Variants in GALNT14 observed in about 807,000 individuals in gnomAD.
GALNT14 encodes UDP-GalNAc:polypeptide N-acetylgalactosaminyltransferase 14.
A neutral mutation model predicts 77.5 loss-of-function variants in GALNT14; 60 were observed. That is an observed-to-expected ratio of 0.77 (90% CI 0.63 to 0.96). The LOEUF (loss-of-function observed/expected upper bound fraction) is 0.96. Among genes scored for constraint, GALNT14 ranks in the 40% least tolerant of loss-of-function variants. The pLI, the probability that GALNT14 is intolerant of heterozygous loss-of-function variation, is 0.00. For missense variants in GALNT14, 710 were observed against 731.0 expected (o/e 0.97, Z 0.33); for synonymous variants, 280 against 281.7 (o/e 0.99, Z 0.06).
chr2:31,138,148 G>A lies in GALNT14; in HGVS notation c.-62C>T. 2 of 1,610,034 alleles carry A rather than the reference G, an allele frequency of 1.2e-6. No homozygotes were observed. Among genetic ancestry groups the A allele is most frequent in the South Asian group, 1.1e-5 (1 of 90,820 alleles). On this transcript the variant is annotated 5_prime_UTR_variant, in exon 1 of 15. Transcript: ENST00000349752. ...CCCGGGGGCACCCCCCGGCGGTCAG[G>A]GTTGGCGGGGCAGGAGTCCTGGCGA...
At chr2:31,007,919 C>T (rs941842759) in intron 1 of GALNT14, among the ~76,000 whole-genome samples, 4 of 152,170 alleles carry the variant, frequency 2.6e-5, no homozygotes, top group South Asian at 2.1e-4. Flanking sequence ...GCCCTCAACT[C>T]GCAGTGGCAG....
In GALNT14 at chr2:30,910,998, T is replaced by C; in HGVS notation, c.1562A>G (p.Asp521Gly). ...HIASHLCLDT[D>G]MFGDGTENGK... is the part of the protein sequence containing the mutation. ...GTTCTCGGTGCCATCACCGAACATA[T>C]CTGTATCGAGGCAGAGGTGGGATGC... The change falls in exon 15 of 15, where the codon GAT becomes GGT. Residue 521 changes from aspartate to glycine, a missense_variant. Coordinates refer to ENST00000349752, the MANE Select transcript of GALNT14 (RefSeq NM_024572.4). 2 of 1,613,828 alleles carry C rather than the reference T, an allele frequency of 1.2e-6. No individual in the cohort carries two copies. The highest frequency in any genetic ancestry group is 1.3e-5 in the African/African-American group (1 of 74,940).
intron 1 of GALNT14, among the ~76,000 whole-genome samples, chr2:31,049,463 A>C (rs1673700974): frequency 1.3e-5 from 2 of 152,144 alleles, no homozygotes; most frequent in South Asian, 4.1e-4. Context: ...GCTACCTCAG[A>C]GGAGAAGCAA....
rs111557173 is a variant in GALNT14 at position 30,930,232 on chromosome 2, G to A, written c.1059-745C>T. On this transcript the variant is annotated intron_variant, in intron 10 of 14. Transcript: ENST00000349752. The stretch of plus-strand genomic sequence containing the variant: ...GAGTGCAAAGGCAGGGCCTGCATGG[G>A]CATCTAGCTTCTGGCTGTCCTCGGG... Among the ~76,000 whole-genome samples the A allele has an allele frequency of 2.7e-4, 41 of 152,318 alleles. No homozygotes were observed. The Middle Eastern group carries it at 0.01, about 38-fold the overall frequency.
intron 1 of GALNT14, among the ~76,000 whole-genome samples, chr2:31,092,013 C>T (rs557304252): frequency 2.6e-5 from 4 of 152,238 alleles, no homozygotes; most frequent in Admixed American, 6.5e-5. Flanking sequence ...ATCTTTCTGC[C>T]GTGCTGGATG....
intron 1 of GALNT14, among the ~76,000 whole-genome samples, chr2:31,067,436 C>G (rs1473195849): frequency 6.6e-6 from 1 of 152,094 alleles, no homozygotes; most frequent in East Asian, 1.9e-4. Flanking sequence ...GCTGTCTTCA[C>G]GACATCCCCG....
intron 2 of GALNT14, among the ~76,000 whole-genome samples, chr2:30,985,013 C>T (rs1000724480): frequency 6.6e-6 from 1 of 152,142 alleles, no homozygotes; most frequent in African/African-American, 2.4e-5. Flanking sequence ...GAATTGGTCT[C>T]ATGTCCATTT....
intron 1 of GALNT14, among the ~76,000 whole-genome samples, chr2:31,030,055 T>G (rs6715908): frequency 6.6e-6 from 1 of 152,214 alleles, no homozygotes; most frequent in East Asian, 1.9e-4. Flanking sequence ...TTGATTATTA[T>G]TTTCGTGTCT....
intron 11 of GALNT14, 117 bp downstream of exon 11, chr2:30,929,278 G>A (rs1455217524): frequency 2.7e-5 from 19 of 692,928 alleles, no homozygotes; most frequent in Non-Finnish European, 7.6e-6. Flanking sequence ...ACAGCCTTGG[G>A]CCCTGCGGGA....
intron 1 of GALNT14, among the ~76,000 whole-genome samples, chr2:31,002,269 A>C (rs1670411022): frequency 6.6e-6 from 1 of 152,074 alleles, no homozygotes; most frequent in African/African-American, 2.4e-5. Context: ...ATCTCTACTA[A>C]AAATACAAAA....
intron 1 of GALNT14, among the ~76,000 whole-genome samples, chr2:31,086,803 C>T (rs1473726290): frequency 6.6e-6 from 1 of 152,138 alleles, no homozygotes; most frequent in African/African-American, 2.4e-5. Flanking sequence ...ACCACTCCCT[C>T]ATGGGTTCAC....
chr2:31,055,246 G>A (rs1378469898), intron 1 of GALNT14, among the ~76,000 whole-genome samples: 4 of 152,176 alleles, frequency 2.6e-5, no homozygotes, highest in Non-Finnish European at 5.9e-5. Context: ...ATGAAGATCT[G>A]GAAAGTGTAA....
chr2:31,088,333 T>C lies in GALNT14; in HGVS notation c.129+49625A>G, dbSNP rs201051988. Among the ~76,000 whole-genome samples the C allele has an allele frequency of 2.0e-5, 3 of 152,176 alleles. No individual in the cohort carries two copies. The East Asian group carries it at 5.8e-4, about 29-fold the overall frequency. ...AGATTATTATTCAGCAAGTACTCTGTCTCCCTCAGTCTCCATGGGAGGAGT... is the reference window on the plus strand; with the variant it reads ...AGATTATTATTCAGCAAGTACTCTGCCTCCCTCAGTCTCCATGGGAGGAGT... On this transcript the variant is annotated intron_variant, in intron 1 of 14. Coordinates refer to ENST00000349752, the MANE Select transcript of GALNT14 (RefSeq NM_024572.4).
intron 1 of GALNT14, among the ~76,000 whole-genome samples, chr2:31,098,743 TA>T (rs1677118107): frequency 6.6e-6 from 1 of 152,214 alleles, no homozygotes; most frequent in Non-Finnish European, 1.5e-5. Context: ...GACTTACCAA[TA>T]ACATAAACAG....
chr2:31,055,992 C>T (rs969738545), intron 1 of GALNT14, among the ~76,000 whole-genome samples: 1 of 152,192 alleles, frequency 6.6e-6, no homozygotes, highest in African/African-American at 2.4e-5. Flanking sequence ...GTTTAAAATT[C>T]AATTAAAACT....
At chr2:31,022,389 C>G (rs1671774419) in intron 1 of GALNT14, among the ~76,000 whole-genome samples, 1 of 152,328 alleles carries the variant, frequency 6.6e-6, no homozygotes, top group Middle Eastern at 3.4e-3. Flanking sequence ...GGTCAGCCTT[C>G]CCTTGGGCTG....
chr2:30,977,642 G>T (rs1668719033), intron 2 of GALNT14, among the ~76,000 whole-genome samples: 2 of 152,148 alleles, frequency 1.3e-5, no homozygotes, highest in African/African-American at 4.8e-5. Flanking sequence ...CTGCAGCCAA[G>T]GAACTCCAGG....
At chr2:31,137,172 A>C (rs898973085) in intron 1 of GALNT14, among the ~76,000 whole-genome samples, 1 of 152,212 alleles carries the variant, frequency 6.6e-6, no homozygotes, top group African/African-American at 2.4e-5. Context: ...CCTTTTGTCA[A>C]CTGATTTTCA....
chr2:30,944,179 C>A (rs1452923219), intron 8 of GALNT14, among the ~76,000 whole-genome samples: 1 of 152,186 alleles, frequency 6.6e-6, no homozygotes, highest in Non-Finnish European at 1.5e-5. Flanking sequence ...GACACCAAGA[C>A]CATCACTCTT....
Sources: allele counts gnomAD v4.1 joint callset (sites outside exome capture counted in the v4.1 genomes callset), GRCh38; gene constraint gnomAD v4.1.1; transcripts MANE v1.5; gene names NCBI Gene and HGNC (gene_info 2026-07-23, HGNC 2026-07-21).